The following CSMD1 variants were observed in gnomAD, a reference collection of about 807,000 sequenced individuals.
The protein encoded by CSMD1 is CUB and sushi domain-containing protein 1.
A neutral mutation model predicts 417.5 loss-of-function variants in CSMD1; 213 were observed. That is an observed-to-expected ratio of 0.51 (90% CI 0.46 to 0.57). The LOEUF (loss-of-function observed/expected upper bound fraction) is 0.57, where lower values mean the gene tolerates loss of function less well. Ranked by LOEUF, CSMD1 falls within the 20% of genes least tolerant of loss-of-function variation. CSMD1 has a pLI of 0.00. For synonymous variants in CSMD1, 2,862 were observed against 1,736.8 expected (o/e 1.65, Z -16.11); for missense variants, 6,923 against 4,529.7 (o/e 1.53, Z -15.17).
intron 12 of CSMD1, among the ~76,000 whole-genome samples, chr8:3,466,575 T>TA (rs1195484893): frequency 1.4e-5 from 2 of 138,996 alleles, no homozygotes; most frequent in Admixed American, 7.3e-5. Flanking sequence ...CACAATCAGC[T>TA]AATTTTTTTT....
intron 5 of CSMD1, among the ~76,000 whole-genome samples, chr8:3,914,746 G>A (rs778399401): frequency 1.3e-5 from 2 of 151,516 alleles, no homozygotes; most frequent in Admixed American, 6.6e-5. Flanking sequence ...CCTTTGACAT[G>A]TATCTGTCTT....
At chr8:4,286,847 G>A (rs889034641) in intron 3 of CSMD1, among the ~76,000 whole-genome samples, 4 of 152,192 alleles carry the variant, frequency 2.6e-5, no homozygotes, top group African/African-American at 9.7e-5. Flanking sequence ...TTTGTTATTA[G>A]GAGATGTGCA....
At chr8:4,583,633 A>C (rs1182224385) in intron 2 of CSMD1, among the ~76,000 whole-genome samples, 1 of 152,156 alleles carries the variant, frequency 6.6e-6, no homozygotes, top group Non-Finnish European at 1.5e-5. Flanking sequence ...GGGGCCTTGG[A>C]GAACCTTTGT....
At chr8:4,543,899 T>G (rs1797520711) in intron 2 of CSMD1, among the ~76,000 whole-genome samples, 1 of 152,154 alleles carries the variant, frequency 6.6e-6, no homozygotes, top group Non-Finnish European at 1.5e-5. Context: ...TGGAGCGCCT[T>G]TTCATATGAT....
chr8:4,896,557 T>A (rs1185738423), intron 1 of CSMD1, among the ~76,000 whole-genome samples: 12 of 152,114 alleles, frequency 7.9e-5, no homozygotes. Context: ...TTCCTTCACC[T>A]AACCTTACAC....
chr8:4,451,824 G>C (rs753647108), intron 2 of CSMD1, among the ~76,000 whole-genome samples: 3 of 151,956 alleles, frequency 2.0e-5, no homozygotes, highest in Non-Finnish European at 1.5e-5. Flanking sequence ...TCTTACCACA[G>C]TGAGTTTTGT....
At chr8:3,477,026 T>G (rs1170594326) in intron 11 of CSMD1, among the ~76,000 whole-genome samples, 1 of 152,218 alleles carries the variant, frequency 6.6e-6, no homozygotes, top group African/African-American at 2.4e-5. Context: ...ATGTTCTGTG[T>G]TCTGATTTTG....
intron 1 of CSMD1, among the ~76,000 whole-genome samples, chr8:4,719,670 C>T (rs1404863202): frequency 2.6e-5 from 4 of 152,148 alleles, no homozygotes; most frequent in African/African-American, 9.7e-5. Flanking sequence ...TTTATTTGTA[C>T]TTCCAGATGA....
intron 3 of CSMD1, among the ~76,000 whole-genome samples, chr8:4,249,637 G>C (rs1185795412): frequency 2.0e-5 from 3 of 152,150 alleles, no homozygotes; most frequent in Non-Finnish European, 2.9e-5. Context: ...ACACAGTGTG[G>C]AACGTGGCTC....
At chr8:4,514,733 C>T (rs1389648004) in intron 2 of CSMD1, among the ~76,000 whole-genome samples, 1 of 152,116 alleles carries the variant, frequency 6.6e-6, no homozygotes, top group African/African-American at 2.4e-5. Flanking sequence ...TAGTAACTTC[C>T]TCCAAATATG....
chr8:3,830,526 T>C (rs1437841070), intron 5 of CSMD1, among the ~76,000 whole-genome samples: 1 of 152,222 alleles, frequency 6.6e-6, no homozygotes, highest in East Asian at 1.9e-4. Flanking sequence ...GTTATGTCCT[T>C]AGTATCTCAA....
chr8:3,846,146 A>C (rs1803485777), intron 5 of CSMD1, among the ~76,000 whole-genome samples: 1 of 152,214 alleles, frequency 6.6e-6, no homozygotes, highest in South Asian at 2.1e-4. Flanking sequence ...GTTTATGATC[A>C]GGATCAAGCA....
intron 3 of CSMD1, among the ~76,000 whole-genome samples, chr8:4,306,459 T>G (rs2128876431): frequency 6.6e-6 from 1 of 152,332 alleles, no homozygotes; most frequent in Non-Finnish European, 1.5e-5. Context: ...TTTTATCACC[T>G]CCATATTGTG....
At chr8:4,927,439 T>G (rs1178649546) in intron 1 of CSMD1, among the ~76,000 whole-genome samples, 3 of 152,130 alleles carry the variant, frequency 2.0e-5, no homozygotes, top group Non-Finnish European at 2.9e-5. Context: ...GTGTGAAAGT[T>G]TAATGTAGGA....
chr8:3,507,976 T>C (rs1796901263), intron 10 of CSMD1, among the ~76,000 whole-genome samples: 1 of 152,224 alleles, frequency 6.6e-6, no homozygotes, highest in African/African-American at 2.4e-5. Flanking sequence ...ACTCTGATGT[T>C]GGTTTCTTTT....
At chr8:4,992,273 T>A (rs1297313787) in intron 1 of CSMD1, among the ~76,000 whole-genome samples, 2 of 151,842 alleles carry the variant, frequency 1.3e-5, no homozygotes, top group Non-Finnish European at 2.9e-5. Flanking sequence ...CCCACCCGCG[T>A]GGGGGCGGAA....
At chr8:4,384,108 T>C (rs972954452) in intron 3 of CSMD1, among the ~76,000 whole-genome samples, 2 of 152,142 alleles carry the variant, frequency 1.3e-5, no homozygotes, top group Non-Finnish European at 1.5e-5. Flanking sequence ...ACCTAAAGCA[T>C]CAACACAGGC....
chr8:4,796,064 C>G (rs1452853279), intron 1 of CSMD1, among the ~76,000 whole-genome samples: 2 of 152,162 alleles, frequency 1.3e-5, no homozygotes, highest in Non-Finnish European at 2.9e-5. Flanking sequence ...AGGAGAGCCA[C>G]TGGCATTACA....
At position 3,374,171 on chromosome 8, in the gene CSMD1, C is replaced by T. The variant is rs568831668; in HGVS notation, c.2783-4801G>A. 2.6e-4 allele frequency among the ~76,000 whole-genome samples: 36 copies of T among 139,526 alleles called. 1 individual carries two copies. The South Asian group carries it at 6.8e-3, about 26-fold the overall frequency. 91.5% of individuals were successfully genotyped at this position (139,526 alleles called of 152,430 possible). On this transcript the variant is annotated intron_variant, in intron 18 of 69. Coordinates refer to ENST00000635120, the MANE Select transcript of CSMD1 (RefSeq NM_033225.6). ...GTTTCACCTTGTTGTCCCGGCTAGTCTCGAACTCCTGACCTCAAGTCATCT... is the reference window on the plus strand; with the variant it reads ...GTTTCACCTTGTTGTCCCGGCTAGTTTCGAACTCCTGACCTCAAGTCATCT...
Sources: allele counts gnomAD v4.1 joint callset (sites outside exome capture counted in the v4.1 genomes callset), GRCh38; gene constraint gnomAD v4.1.1; transcripts MANE v1.5; gene names NCBI Gene and HGNC (gene_info 2026-07-23, HGNC 2026-07-21).